SDK1: variants seen among roughly 807,000 people sequenced by gnomAD.
SDK1 encodes the protein sidekick cell adhesion molecule 1, also known as protein sidekick-1.
SDK1 carries 157 observed loss-of-function variants against 245.5 expected under a neutral mutation model. That is an observed-to-expected ratio of 0.64 (90% CI 0.56 to 0.73). The LOEUF (loss-of-function observed/expected upper bound fraction) is 0.73, where lower values mean the gene tolerates loss of function less well. Among genes scored for constraint, SDK1 ranks in the 30% least tolerant of loss-of-function variants. SDK1 has a pLI of 0.00. For missense variants in SDK1, 3,583 were observed against 3,002.3 expected (o/e 1.19, Z -4.52); for synonymous variants, 1,647 against 1,278.5 (o/e 1.29, Z -6.15).
chr7:3,498,360 T>C lies in SDK1; in HGVS notation c.299-120720T>C, dbSNP rs936869064. 3.3e-5 allele frequency among the ~76,000 whole-genome samples: 5 copies of C among 152,350 alleles called. No individual in the cohort carries two copies. In the South Asian group the frequency reaches 8.3e-4, roughly 25 times the overall value. On this transcript the variant is annotated intron_variant, in intron 1 of 44. Transcript: ENST00000404826. Reference sequence around the variant, plus strand: ...TTAGAAACTTTTAGGCTAGTTTCTTTATTTACCAGCCTTCTAGACGTGAGC... The same window carrying C: ...TTAGAAACTTTTAGGCTAGTTTCTTCATTTACCAGCCTTCTAGACGTGAGC...
intron 1 of SDK1, among the ~76,000 whole-genome samples, chr7:3,546,002 C>A (rs1333038443): frequency 6.6e-6 from 1 of 152,304 alleles, no homozygotes; most frequent in South Asian, 2.1e-4. Flanking sequence ...TTTCTGTCTT[C>A]ATTATTTTAT....
At chr7:3,973,043 C>T (rs899776293) in intron 12 of SDK1, among the ~76,000 whole-genome samples, 3 of 152,154 alleles carry the variant, frequency 2.0e-5, no homozygotes, top group African/African-American at 4.8e-5. Flanking sequence ...AGAACCCCCT[C>T]GGATCCCTGT....
intron 30 of SDK1, among the ~76,000 whole-genome samples, chr7:4,151,347 C>T (rs988859651): frequency 2.0e-5 from 3 of 152,178 alleles, no homozygotes; most frequent in Non-Finnish European, 2.9e-5. Flanking sequence ...TTCTGAAAAT[C>T]GAGGTGGAAT....
chr7:4,262,478 C>T (rs918080165), intron 44 of SDK1, among the ~76,000 whole-genome samples: 3 of 151,778 alleles, frequency 2.0e-5, no homozygotes, highest in African/African-American at 4.8e-5. Context: ...AAAAAAAAGC[C>T]TCAAAGGGAC....
chr7:3,696,578 G>GTGTGTGTT (rs1554250327), intron 4 of SDK1, among the ~76,000 whole-genome samples: 6 of 151,262 alleles, frequency 4.0e-5, no homozygotes, highest in African/African-American at 1.5e-4. Context: ...GTGTTTGTGT[G>GTGTGTGTT]TGTGTGTGTG....
chr7:3,323,470 A>T (rs1291765241), intron 1 of SDK1, among the ~76,000 whole-genome samples: 1 of 152,244 alleles, frequency 6.6e-6, no homozygotes, highest in African/African-American at 2.4e-5. Context: ...AAGGAAAAAT[A>T]CACTTCCAAA....
chr7:3,829,788 C>G (rs1779869551), intron 5 of SDK1, among the ~76,000 whole-genome samples: 1 of 152,176 alleles, frequency 6.6e-6, no homozygotes, highest in Admixed American at 6.5e-5. Flanking sequence ...GTTCTGATAT[C>G]AAAACCACTC....
At chr7:3,326,875 A>G (rs1779952936) in intron 1 of SDK1, among the ~76,000 whole-genome samples, 1 of 152,098 alleles carries the variant, frequency 6.6e-6, no homozygotes, top group Non-Finnish European at 1.5e-5. Context: ...TTTTATTTAC[A>G]TCTGTTTATT....
intron 4 of SDK1, among the ~76,000 whole-genome samples, chr7:3,806,800 A>ACAGT (rs1053418762): frequency 8.0e-6 from 1 of 125,306 alleles, no homozygotes. Flanking sequence ...GGTGGTGGAG[A>ACAGT]CGGGAAAAGT....
chr7:3,515,085 G>C (rs1390819789), intron 1 of SDK1, among the ~76,000 whole-genome samples: 1 of 152,106 alleles, frequency 6.6e-6, no homozygotes, highest in African/African-American at 2.4e-5. Context: ...CGGGTAGAAG[G>C]AGCAGGTGAG....
Position 3,548,162 on chromosome 7 carries a change from A to G in SDK1, c.299-70918A>G, listed in dbSNP as rs6948668. 8.3e-3 allele frequency among the ~76,000 whole-genome samples: 1,257 copies of G among 152,310 alleles called. 24 individuals are homozygous for G. Among genetic ancestry groups the G allele is most frequent in the African/African-American group, 0.029 (1,209 of 41,548 alleles). ...TTGTTGAAATGCATCAGTTGAATAG[A>G]TTAGAGATTCAAGTATATATGAAGA... On this transcript the variant is annotated intron_variant, in intron 1 of 44. Coordinates refer to ENST00000404826, the MANE Select transcript of SDK1 (RefSeq NM_152744.4).
chr7:4,145,340 T>A (rs1779887130), intron 28 of SDK1, among the ~76,000 whole-genome samples: 2 of 152,006 alleles, frequency 1.3e-5, no homozygotes, highest in Admixed American at 6.5e-5. Context: ...AACGACTTCC[T>A]AAGAGAGCGA....
At chr7:3,508,577 C>G (rs1310280741) in intron 1 of SDK1, among the ~76,000 whole-genome samples, 2 of 152,162 alleles carry the variant, frequency 1.3e-5, no homozygotes, top group African/African-American at 4.8e-5. Context: ...ATATACCCGC[C>G]TGGGCCTCCC....
At chr7:3,758,144 A>G (rs933697194) in intron 4 of SDK1, among the ~76,000 whole-genome samples, 7 of 152,308 alleles carry the variant, frequency 4.6e-5, no homozygotes, top group African/African-American at 1.4e-4. Context: ...ATTCGTGGGC[A>G]TATGTTAAAA....
chr7:4,231,318 C>G (rs1404176088), intron 40 of SDK1, among the ~76,000 whole-genome samples: 1 of 151,772 alleles, frequency 6.6e-6, no homozygotes, highest in African/African-American at 2.4e-5. Flanking sequence ...AATTCCAGCA[C>G]TTTGAGAGGC....
rs142961632 is a variant in SDK1 at position 3,521,214 on chromosome 7, T to C, written c.299-97866T>C. ...TCCAGCAAGAGCAGCTTGAGAGCCA[T>C]TCAAGGGAATCTTTTACTTCCCTTC... is the stretch of plus-strand genomic sequence containing the variant. On this transcript the variant is annotated intron_variant, in intron 1 of 44. Transcript: ENST00000404826. Among the ~76,000 whole-genome samples the C allele has an allele frequency of 6.5e-3, 983 of 152,280 alleles. 12 individuals carry two copies. Among genetic ancestry groups the C allele is most frequent in the African/African-American group, 0.023 (936 of 41,560 alleles).
chr7:4,106,729 C>CT (rs1332126496), intron 22 of SDK1, among the ~76,000 whole-genome samples: 2 of 152,148 alleles, frequency 1.3e-5, no homozygotes, highest in Non-Finnish European at 2.9e-5. Flanking sequence ...GCTCTCTCAA[C>CT]GCGGCGCGTG....
chr7:4,010,921 C>T, intron 14 of SDK1, 45 bp from the exon 15 acceptor site: 2 of 1,600,798 alleles, frequency 1.2e-6, no homozygotes, highest in Non-Finnish European at 1.7e-6. Flanking sequence ...ATTATTCAGA[C>T]ATGATAAGCC....
In SDK1 at chr7:4,241,785, G is replaced by C. The variant is rs752283030; in HGVS notation, c.6131-8G>C. On this transcript the variant is annotated splice_polypyrimidine_tract_variant and splice_region_variant and intron_variant, in intron 42 of 44. Coordinates refer to ENST00000404826, the MANE Select transcript of SDK1 (RefSeq NM_152744.4). ...CACGTCTGTTCTCACTCTCCTGCTG[G>C]GCTTTAGGAAAGGGGATCTCCACCA... 6.8e-6 allele frequency: 11 copies of C among 1,613,984 alleles called. No homozygotes were observed. The highest frequency in any genetic ancestry group is 1.3e-5 in the African/African-American group (1 of 74,922).
Sources: gnomAD v4.1 joint callset for allele counts (sites outside exome capture counted in the v4.1 genomes callset) on GRCh38, gnomAD v4.1.1 for gene constraint, MANE v1.5 for transcripts, NCBI Gene and HGNC (gene_info 2026-07-23, HGNC 2026-07-21) for gene names.